SENP3: variants seen among roughly 807,000 people sequenced by gnomAD.
The protein encoded by SENP3 is sentrin-specific protease 3.
Under a neutral mutation model 66.2 loss-of-function variants are expected in SENP3, and 11 were observed. The observed-to-expected ratio is 0.17, with a 90% CI of 0.10 to 0.28. The LOEUF (loss-of-function observed/expected upper bound fraction) is 0.28, where lower values mean the gene tolerates loss of function less well. SENP3 is among the 10% of genes least tolerant of loss of function. The pLI is 1.00. For synonymous variants in SENP3, 292 were observed against 277.6 expected (o/e 1.05, Z -0.52); for missense variants, 548 against 743.7 (o/e 0.74, Z 3.06).
At chr17:7,564,428 C>T in intron 2 of SENP3, 197 bp from the exon 3 acceptor site, 1 of 767,726 alleles carries the variant, frequency 1.3e-6, no homozygotes, top group South Asian at 1.5e-5. Context: ...CTCTCTCCAT[C>T]CCTGTAGAAT....
chr17:7,565,866 TG>T, intron 6 of SENP3, 102 bp downstream of exon 6: 1 of 998,210 alleles, frequency 1.0e-6, no homozygotes, highest in Non-Finnish European at 1.5e-6. Context: ...AGAGGGTCTC[TG>T]TTTCAGGGAG....
rs1464036047 is a variant in SENP3, at chr17:7,564,945, T to C, written c.956-14T>C. The C allele has an allele frequency of 5.6e-6, 9 of 1,611,744 alleles. No individual in the cohort carries two copies. In the Admixed American group the frequency reaches 1.2e-4, roughly 21 times the overall value. ...TCTGGAGGCCTCACCCCCTCCTCTC[T>C]CCCTTTCCACCAGGCATCTTGGACG... On this transcript the variant is annotated splice_polypyrimidine_tract_variant and intron_variant, in intron 3 of 10. Coordinates refer to ENST00000321337, the MANE Select transcript of SENP3 (RefSeq NM_015670.6).
At position 7,565,529 on chromosome 17, in the gene SENP3, A is replaced by T; in HGVS notation, c.1157A>T (p.His386Leu). ...GGCTTCCGAGTGGCTTATAAGCGGC[A>T]CGTGCTGACCATGGATGACTTGGGG... The part of the protein sequence containing the change: ...VRGFRVAYKR[H>L]VLTMDDLGTL... Residue 386 changes from histidine (H) to leucine (L), a missense_variant, in exon 5 of 11, where the codon CAC (histidine) becomes CTC (leucine). Around this residue, in one of 6 missense-constraint regions of SENP3, gnomAD observed 72 missense variants for 137.9 expected, o/e 0.52. Coordinates refer to ENST00000321337, the MANE Select transcript of SENP3 (RefSeq NM_015670.6). 2 of 1,613,890 alleles carry T rather than the reference A, an allele frequency of 1.2e-6. No homozygotes were observed. The highest frequency in any genetic ancestry group is 1.7e-6 in the Non-Finnish European group (2 of 1,179,866).
chr17:7,570,910 G>A lies in SENP3; in HGVS notation c.1591G>A (p.Asp531Asn). The change falls in exon 10 of 11, where the codon GAC becomes AAC. Residue 531 changes from aspartate (D) to asparagine (N), a missense_variant. By Grantham distance (23) the Asp-to-Asn change is conservative. Around this residue, in one of 6 missense-constraint regions of SENP3, gnomAD observed 81 missense variants for 139.8 expected, o/e 0.58. Transcript: ENST00000321337. This position sits in a 1 kb window ranked among gnomAD's most constrained non-coding sequence, Gnocchi z 5.4. ...MNVARQNNDS[D>N]CGAFVLQYCK... ...TGTGGCCAGGCAGAATAATGACAGT[G>A]ACTGTGGTGCTTTTGTGTTGCAGGT... 6.2e-7 allele frequency: 1 copy of A among 1,613,620 alleles called. No homozygotes were observed. Among genetic ancestry groups the A allele is most frequent in the Non-Finnish European group, 8.5e-7 (1 of 1,179,720 alleles).
At chr17:7,564,599 C>T in intron 2 of SENP3, 26 bp from the exon 3 acceptor site, 1 of 1,613,024 alleles carries the variant, frequency 6.2e-7, no homozygotes. Flanking sequence ...GTCTCTCATG[C>T]CCATTCCATT....
At chr17:7,563,911 T>TGCCGG (rs1319989809) in intron 2 of SENP3, 120 bp downstream of exon 2, 9 of 859,902 alleles carry the variant, frequency 1.0e-5, no homozygotes, top group Middle Eastern at 3.5e-4. Flanking sequence ...GATGGAAGAG[T>TGCCGG]GCCGGCTCCA....
At chr17:7,571,333 A>T (rs1333540377) in intron 10 of SENP3, 40 bp from the exon 11 acceptor site, 2 of 1,434,308 alleles carry the variant, frequency 1.4e-6, no homozygotes, top group Non-Finnish European at 2.0e-6. Flanking sequence ...ACAGGTCCTG[A>T]CACGGGGGGT....
At chr17:7,571,012 T>C in intron 10 of SENP3, 79 bp downstream of exon 10, 1 of 1,225,880 alleles carries the variant, frequency 8.2e-7, no homozygotes, top group Non-Finnish European at 1.2e-6. Flanking sequence ...ATGCATCCCC[T>C]CATTTGGCTC....
In SENP3 at chr17:7,564,615, T is replaced by G; in HGVS notation, c.716-10T>G. On this transcript the variant is annotated splice_polypyrimidine_tract_variant and intron_variant, in intron 2 of 10. Transcript: ENST00000321337. ...TCTCTCATGCCCATTCCATTTCCCC[T>G]GCCCTATAGGCCTCCTTTCATGTAC... The G allele has an allele frequency of 3.7e-6, 6 of 1,613,892 alleles. No homozygotes were observed. The highest frequency in any genetic ancestry group is 5.1e-6 in the Non-Finnish European group (6 of 1,179,832).
chr17:7,566,439 C>T (rs1333592077), intron 6 of SENP3, among the ~76,000 whole-genome samples: 3 of 151,504 alleles, frequency 2.0e-5, no homozygotes, highest in African/African-American at 4.8e-5. Context: ...GTGGATCACC[C>T]GAGGTCAGGA....
chr17:7,569,384 C>CAA (rs1283964746), intron 7 of SENP3, among the ~76,000 whole-genome samples: 7 of 106,730 alleles, frequency 6.6e-5, no homozygotes, highest in Non-Finnish European at 9.4e-5. Context: ...GACTCCGTCT[C>CAA]AAAAAAAAAA....
intron 7 of SENP3, among the ~76,000 whole-genome samples, chr17:7,568,163 T>C (rs899212152): frequency 4.0e-5 from 6 of 151,082 alleles, no homozygotes; most frequent in East Asian, 1.9e-4. Context: ...GGCTAGCCCC[T>C]CTAGGTGGCT....
Position 7,563,573 on chromosome 17 carries a change from A to G in SENP3, c.497A>G (p.Asn166Ser). Residue 166 changes from asparagine to serine, a missense_variant, in exon 2 of 11, where the codon AAC becomes AGC. By Grantham distance (46) the Asn-to-Ser change is conservative. Coordinates refer to ENST00000321337, the MANE Select transcript of SENP3 (RefSeq NM_015670.6). ...GRRRGLAHPK[N>S]HLSPQQGGAT... Reference sequence around the variant, plus strand: ...CGGCGGGGCCTCGCACACCCCAAGAACCATCTTTCACCCCAGCAAGGGGGT... The same window carrying G: ...CGGCGGGGCCTCGCACACCCCAAGAGCCATCTTTCACCCCAGCAAGGGGGT... The G allele has an allele frequency of 6.4e-7, 1 of 1,554,794 alleles. No individual in the cohort carries two copies. The highest frequency in any genetic ancestry group is 8.7e-7 in the Non-Finnish European group (1 of 1,150,914).
In SENP3 at chr17:7,570,808, T is replaced by C; in HGVS notation, c.1563+44T>C. 2 of 1,602,048 alleles carry C rather than the reference T, an allele frequency of 1.2e-6. No individual in the cohort carries two copies. On this transcript the variant is annotated intron_variant, in intron 9 of 10. Coordinates refer to ENST00000321337, the MANE Select transcript of SENP3 (RefSeq NM_015670.6). The surrounding 1 kb of genome is among the most constrained non-coding windows in gnomAD (Gnocchi z 5.4). Reference sequence around the variant, plus strand: ...GGGTATAGGGTGTTGGTGGGGACAGTGGTAGAAGGCAGAAATTGAAGTCCT... The same window carrying C: ...GGGTATAGGGTGTTGGTGGGGACAGCGGTAGAAGGCAGAAATTGAAGTCCT...
At position 7,570,897 on chromosome 17, in the gene SENP3, G is replaced by A; in HGVS notation, c.1578G>A (p.Gln526=). 1 of 1,613,584 alleles carries A rather than the reference G, an allele frequency of 6.2e-7. No homozygotes were observed. Among genetic ancestry groups the A allele is most frequent in the South Asian group, 1.1e-5 (1 of 90,968 alleles). ...CTCTTCTCTAGAATGTGGCCAGGCA[G>A]AATAATGACAGTGACTGTGGTGCTT... is the stretch of plus-strand genomic sequence containing the variant. ...KGYFKMNVAR[Q]NNDSDCGAFV... Residue 526 remains glutamine (Q), a synonymous_variant, in exon 10 of 11, where the codon CAG becomes CAA. Coordinates refer to ENST00000321337, the MANE Select transcript of SENP3 (RefSeq NM_015670.6). The surrounding 1 kb of genome is among the most constrained non-coding windows in gnomAD (Gnocchi z 5.4).
rs1207525666 is a variant in SENP3 at position 7,563,740 on chromosome 17, G to C, written c.664G>C (p.Glu222Gln). 2 of 1,612,334 alleles carry C rather than the reference G, an allele frequency of 1.2e-6. No individual in the cohort carries two copies. Among genetic ancestry groups the C allele is most frequent in the Admixed American group, 3.3e-5 (2 of 59,974 alleles). The change falls in exon 2 of 11, where the codon GAG becomes CAG. Residue 222 changes from glutamate to glutamine, a missense_variant. Physicochemically the swap from Glu to Gln is conservative, Grantham distance 29 (BLOSUM62 2). Around this residue, in one of 6 missense-constraint regions of SENP3, gnomAD observed 215 missense variants for 230.7 expected, o/e 0.93. Transcript: ENST00000321337. ...SPPVPSGPPM[E>Q]EDGLRWTPKS... ...ACCAGTGCCCTCTGGGCCCCCCATG[G>C]AGGAAGATGGACTCAGGTGGACTCC...
chr17:7,567,088 C>A, intron 7 of SENP3, 84 bp downstream of exon 7: 2 of 905,564 alleles, frequency 2.2e-6, no homozygotes, highest in Non-Finnish European at 3.6e-6. Context: ...CTTTCCCTGA[C>A]CGTGTTCATT....
At position 7,563,052 on chromosome 17, in the gene SENP3, CT is replaced by C; in HGVS notation, c.-11-10del. 1 of 1,452,708 alleles carries C rather than the reference CT, an allele frequency of 6.9e-7. No individual in the cohort carries two copies. The highest frequency in any genetic ancestry group is 1.6e-5 in the South Asian group (1 of 63,622). 90.0% of individuals were successfully genotyped at this position (1,452,708 alleles called of 1,614,324 possible). ...GATGCTTAGATTTTGATACCCTGAT[CT>C]TTTGTTTTTCAGGGTACTGGAAGAT... On this transcript the variant is annotated splice_polypyrimidine_tract_variant and intron_variant, in intron 1 of 10. Coordinates refer to ENST00000321337, the MANE Select transcript of SENP3 (RefSeq NM_015670.6).
chr17:7,566,891 T>C, intron 6 of SENP3, 36 bp from the exon 7 acceptor site: 1 of 1,458,120 alleles, frequency 6.9e-7, no homozygotes, highest in Admixed American at 2.0e-5. Flanking sequence ...CTGAGGTCTT[T>C]TAATTCCATT....
Sources: gnomAD v4.1 joint callset for allele counts (sites outside exome capture counted in the v4.1 genomes callset) on GRCh38, gnomAD v4.1.1 for gene constraint, gnomAD v4.1.1 regional missense constraint, Gnocchi (gnomAD v3.1) non-coding constraint, MANE v1.5 for transcripts, NCBI Gene and HGNC (gene_info 2026-07-23, HGNC 2026-07-21) for gene names.